Variants in ZNF532 observed in about 807,000 individuals in gnomAD.
ZNF532 encodes zinc finger protein 532.
In ZNF532, 22 loss-of-function variants were observed where a neutral mutation model predicts 89.3. That is an observed-to-expected ratio of 0.25 (90% CI 0.18 to 0.35). The LOEUF (loss-of-function observed/expected upper bound fraction) is 0.35, where lower values mean the gene tolerates loss of function less well. ZNF532 is among the 10% of genes least tolerant of loss of function. The probability of loss-of-function intolerance (pLI) is 1.00; values close to 1 mark genes in which losing one functional copy is unlikely to be tolerated. For synonymous variants in ZNF532, 606 were observed against 649.6 expected (o/e 0.93, Z 1.02); for missense variants, 1,132 against 1,643.4 (o/e 0.69, Z 5.38).
At chr18:58,918,239 A>G (rs776543119) in intron 2 of ZNF532, 32 bp from the exon 3 acceptor site, 1 of 1,565,170 alleles carries the variant, frequency 6.4e-7, no homozygotes, top group Non-Finnish European at 8.7e-7. Flanking sequence ...AATACCAATT[A>G]CTGATGGAAC....
intron 7 of ZNF532, among the ~76,000 whole-genome samples, chr18:58,965,339 G>A (rs1384244791): frequency 6.6e-6 from 1 of 152,162 alleles, no homozygotes; most frequent in Non-Finnish European, 1.5e-5. Context: ...AGACAGTTAC[G>A]AATCCCACTT....
At chr18:58,880,174 C>G (rs1241248341) in intron 2 of ZNF532, among the ~76,000 whole-genome samples, 1 of 152,178 alleles carries the variant, frequency 6.6e-6, no homozygotes, top group Non-Finnish European at 1.5e-5. Flanking sequence ...CTGAGCATAG[C>G]TGTCTGGCTC....
intron 2 of ZNF532, among the ~76,000 whole-genome samples, chr18:58,903,085 A>G (rs954358122): frequency 1.3e-5 from 2 of 152,120 alleles, no homozygotes; most frequent in African/African-American, 4.8e-5. Context: ...GGCACTTTCC[A>G]TGTTACTTGT....
chr18:58,894,598 A>G (rs1242061771), intron 2 of ZNF532, among the ~76,000 whole-genome samples: 1 of 152,050 alleles, frequency 6.6e-6, no homozygotes, highest in Non-Finnish European at 1.5e-5. Context: ...TTAATTTGCT[A>G]GGCTTTATGA....
At chr18:58,913,979 A>G (rs1244634146) in intron 2 of ZNF532, among the ~76,000 whole-genome samples, 1 of 152,254 alleles carries the variant, frequency 6.6e-6, no homozygotes, top group African/African-American at 2.4e-5. Flanking sequence ...GGCTGTGCCT[A>G]TGCCTTTAAT....
intron 7 of ZNF532, among the ~76,000 whole-genome samples, chr18:58,962,500 T>C (rs919122944): frequency 6.6e-6 from 1 of 152,050 alleles, no homozygotes; most frequent in African/African-American, 2.4e-5. Context: ...GAGTCTGACT[T>C]GGTAGCTGCA....
rs1228412187 is a variant in ZNF532, at chr18:58,986,061, A to C, written c.*1595A>C. 6.6e-6 allele frequency: 1 copy of C among 152,630 alleles called. No individual in the cohort carries two copies. The highest frequency in any genetic ancestry group is 1.5e-5 in the Non-Finnish European group (1 of 68,040). The allele number at this position is 152,630 out of a possible 1,614,324, so 9.5% of individuals were successfully genotyped here. On this transcript the variant is annotated 3_prime_UTR_variant, in exon 10 of 10. Coordinates refer to ENST00000591808, the MANE Select transcript of ZNF532 (RefSeq NM_001375912.1). ...GGGTGTTGCAGAATTCTTCCCACTC[A>C]GAAGAATGGCATATTCGTTCTCATT...
intron 8 of ZNF532, chr18:58,980,334 A>AAAC (rs1490342875): frequency 6.6e-6 from 1 of 152,242 alleles, no homozygotes; most frequent in East Asian, 1.9e-4. Flanking sequence ...CTTCACTGAT[A>AAAC]GGTTTTGTTT....
chr18:58,921,903 C>T (rs150954651), intron 3 of ZNF532, among the ~76,000 whole-genome samples: 4,154 of 152,108 alleles, frequency 0.027, 209 homozygotes, highest in African/African-American at 0.094. Context: ...CTCAGGAGTT[C>T]GAGACCAGCC....
At chr18:58,976,188 G>A (rs2067026286) in intron 7 of ZNF532, among the ~76,000 whole-genome samples, 1 of 152,170 alleles carries the variant, frequency 6.6e-6, no homozygotes, top group Non-Finnish European at 1.5e-5. Context: ...CAGTGAATTG[G>A]AAACCCTGCT....
intron 2 of ZNF532, among the ~76,000 whole-genome samples, chr18:58,895,975 C>G (rs757043368): frequency 1.3e-4 from 19 of 151,902 alleles, no homozygotes; most frequent in African/African-American, 4.1e-4. Flanking sequence ...CCTTAGCCTC[C>G]CAAGTAGCTG....
At chr18:58,903,552 A>G (rs547251665) in intron 2 of ZNF532, among the ~76,000 whole-genome samples, 1 of 152,186 alleles carries the variant, frequency 6.6e-6, no homozygotes, top group Non-Finnish European at 1.5e-5. Flanking sequence ...ACCGACAGCG[A>G]TTATAAAGAG....
chr18:58,947,476 G>A (rs2063765926), intron 5 of ZNF532, among the ~76,000 whole-genome samples: 1 of 152,168 alleles, frequency 6.6e-6, no homozygotes, highest in Admixed American at 6.5e-5. Flanking sequence ...AAACATTCAA[G>A]CATTGTTGAA....
intron 7 of ZNF532, among the ~76,000 whole-genome samples, chr18:58,963,205 C>T (rs533108837): frequency 6.6e-6 from 1 of 152,234 alleles, no homozygotes; most frequent in South Asian, 2.1e-4. Flanking sequence ...TAATTTAAAG[C>T]CTGATTATAA....
chr18:58,873,600 C>T (rs1023020199), intron 2 of ZNF532, among the ~76,000 whole-genome samples: 3 of 152,032 alleles, frequency 2.0e-5, no homozygotes, highest in African/African-American at 7.3e-5. Flanking sequence ...AGGCGCCTGC[C>T]ACCATGCCTG....
chr18:58,940,963 T>TTCTCTC (rs140521782), intron 5 of ZNF532, among the ~76,000 whole-genome samples: 16 of 105,358 alleles, frequency 1.5e-4, no homozygotes, highest in African/African-American at 4.4e-4. Flanking sequence ...CACACACTCT[T>TTCTCTC]TCTCTCTCTC....
chr18:58,981,731 G>A, intron 9 of ZNF532, 114 bp downstream of exon 9: 1 of 1,403,618 alleles, frequency 7.1e-7, no homozygotes, highest in African/African-American at 1.4e-5. Context: ...AATTCAGACT[G>A]GCTGGGTGCG....
At chr18:58,915,630 T>G (rs2060549319) in intron 2 of ZNF532, among the ~76,000 whole-genome samples, 1 of 152,180 alleles carries the variant, frequency 6.6e-6, no homozygotes, top group African/African-American at 2.4e-5. Flanking sequence ...GTACGGCTGC[T>G]GTGCATGCGT....
chr18:58,975,503 C>G (rs1310428139), intron 7 of ZNF532, among the ~76,000 whole-genome samples: 1 of 152,216 alleles, frequency 6.6e-6, no homozygotes, highest in African/African-American at 2.4e-5. Flanking sequence ...AGCCCCGTGG[C>G]AAACCGAGAC....
Sources: allele counts gnomAD v4.1 joint callset (sites outside exome capture counted in the v4.1 genomes callset), GRCh38; gene constraint gnomAD v4.1.1; transcripts MANE v1.5; gene names NCBI Gene and HGNC (gene_info 2026-07-23, HGNC 2026-07-21).